BARD1: variants seen among roughly 807,000 people sequenced by gnomAD.
BARD1 encodes the protein BRCA1-associated RING domain protein 1.
Under a neutral mutation model 77.0 loss-of-function variants are expected in BARD1, and 73 were observed. The ratio of observed to expected loss-of-function variants is 0.95; its 90% CI spans 0.79 to 1.15. The LOEUF (loss-of-function observed/expected upper bound fraction) is 1.15, where lower values mean the gene tolerates loss of function less well. Ranked by LOEUF, BARD1 falls within the 50% of genes most tolerant of loss-of-function variation. The probability of loss-of-function intolerance (pLI) is 0.00; values close to 1 mark genes in which losing one functional copy is unlikely to be tolerated. For missense variants in BARD1, 993 were observed against 938.8 expected (o/e 1.06, Z -0.75); for synonymous variants, 384 against 338.0 (o/e 1.14, Z -1.49).
chr2:214,801,506 C>A (rs1387186269), intron 1 of BARD1, among the ~76,000 whole-genome samples: 1 of 152,158 alleles, frequency 6.6e-6, no homozygotes, highest in African/African-American at 2.4e-5. Context: ...TTAAAAAGTT[C>A]TTCACAATCT....
At chr2:214,797,159 T>C in intron 1 of BARD1, 42 bp from the exon 2 acceptor site, 4 of 1,459,968 alleles carry the variant, frequency 2.7e-6, no homozygotes, top group Non-Finnish European at 3.8e-6. Context: ...GAGTCATTGT[T>C]AGATAAACAT....
chr2:214,775,600 A>T (rs1433171205), intron 4 of BARD1, among the ~76,000 whole-genome samples: 1 of 152,202 alleles, frequency 6.6e-6, no homozygotes, highest in Non-Finnish European at 1.5e-5. Flanking sequence ...AGGCTGTTGG[A>T]AAAACAGCAC....
chr2:214,796,062 T>G (rs1165561681), intron 2 of BARD1, among the ~76,000 whole-genome samples: 1 of 152,192 alleles, frequency 6.6e-6, no homozygotes, highest in Non-Finnish European at 1.5e-5. Flanking sequence ...CGAATGTATT[T>G]GTTCATGTCA....
intron 1 of BARD1, among the ~76,000 whole-genome samples, chr2:214,803,064 C>CA (rs34071070): frequency 0.28 from 41,947 of 151,958 alleles, 6,379 homozygotes; most frequent in East Asian, 0.58. Context: ...GTGTCAAACT[C>CA]AGGGTTAAAT....
At chr2:214,739,174 A>G (rs1210303413) in intron 9 of BARD1, among the ~76,000 whole-genome samples, 1 of 152,098 alleles carries the variant, frequency 6.6e-6, no homozygotes, top group African/African-American at 2.4e-5. Context: ...TTCTGGAATT[A>G]ATGGCTATTT....
chr2:214,746,788 G>A (rs960661766), intron 7 of BARD1, among the ~76,000 whole-genome samples: 2 of 152,048 alleles, frequency 1.3e-5, no homozygotes, highest in African/African-American at 4.8e-5. Flanking sequence ...TCAGGACATA[G>A]GCATGGGCAA....
chr2:214,780,646 TAGAC>T lies in BARD1; in HGVS notation c.1224_1227del (p.Met408IlefsTer6), dbSNP rs1553622164. Reference sequence around the variant, plus strand: ...GGCAACAGCTTCATTGCTGAGGGACTAGACATCACTCGCCTGTAACTTGAACTAC... The same window carrying T: ...GGCAACAGCTTCATTGCTGAGGGACTATCACTCGCCTGTAACTTGAACTAC... On this transcript the variant is annotated frameshift_variant, in exon 4 of 11. Coordinates refer to ENST00000260947, the MANE Select transcript of BARD1 (RefSeq NM_000465.4). LOFTEE classifies it high-confidence loss of function. The T allele has an allele frequency of 6.2e-7, 1 of 1,614,124 alleles. No homozygotes were observed. The highest frequency in any genetic ancestry group is 8.5e-7 in the Non-Finnish European group (1 of 1,179,992).
At chr2:214,797,039 A>G (rs370591797) in intron 2 of BARD1, 22 bp downstream of exon 2, 2 of 1,571,802 alleles carry the variant, frequency 1.3e-6, no homozygotes, top group African/African-American at 1.4e-5. Flanking sequence ...TGTACTATAT[A>G]CATCAAACCG....
chr2:214,786,552 G>A (rs1317964087), intron 3 of BARD1, among the ~76,000 whole-genome samples: 1 of 151,856 alleles, frequency 6.6e-6, no homozygotes, highest in Non-Finnish European at 1.5e-5. Flanking sequence ...CCTTAAACAG[G>A]TAAGAAGAAA....
At chr2:214,792,237 T>C in intron 3 of BARD1, 60 bp downstream of exon 3, 1 of 1,489,576 alleles carries the variant, frequency 6.7e-7, no homozygotes, top group Non-Finnish European at 9.3e-7. Context: ...ACTTTATGAA[T>C]ATGAATTCAT....
chr2:214,751,339 A>G (rs571194920), intron 7 of BARD1, among the ~76,000 whole-genome samples: 44 of 149,536 alleles, frequency 2.9e-4, no homozygotes, highest in African/African-American at 1.0e-3. Context: ...TGTATTTTTC[A>G]TAGAGATGGG....
At chr2:214,784,556 T>G (rs1387819731) in intron 3 of BARD1, among the ~76,000 whole-genome samples, 1 of 152,186 alleles carries the variant, frequency 6.6e-6, no homozygotes, top group Non-Finnish European at 1.5e-5. Context: ...TAAATCATTC[T>G]ACTATAAAGA....
rs1227339453 is a variant in BARD1, at chr2:214,769,089, T to C, written c.1395+143A>G. The C allele has an allele frequency of 2.2e-5, 16 of 711,800 alleles. 1 individual carries two copies. In the South Asian group the frequency reaches 2.7e-4, roughly 12 times the overall value. The allele number at this position is 711,800 out of a possible 1,614,324, so 44.1% of individuals were successfully genotyped here. On this transcript the variant is annotated intron_variant, in intron 5 of 10. Transcript: ENST00000260947. ...TGAAAAGCTAGAAGGAAAGTAATCA[T>C]GTTCTCATACTTGATGAAAACATAA...
chr2:214,806,873 AGGG>A (rs1559451184), intron 1 of BARD1, among the ~76,000 whole-genome samples: 17 of 57,490 alleles, frequency 3.0e-4, no homozygotes, highest in African/African-American at 7.3e-4. Flanking sequence ...AACTTTGCCT[AGGG>A]AAAAAAAAAA....
At chr2:214,771,109 A>G (rs1378504873) in intron 4 of BARD1, among the ~76,000 whole-genome samples, 1 of 152,260 alleles carries the variant, frequency 6.6e-6, no homozygotes, top group African/African-American at 2.4e-5. Flanking sequence ...TCTTGAAATT[A>G]CATTATTATC....
Position 214,781,374 on chromosome 2 carries a change from G to A in BARD1, c.500C>T (p.Pro167Leu). The change falls in exon 4 of 11, where the codon CCT (proline) becomes CTT (leucine). Residue 167 changes from proline (P) to leucine (L), a missense_variant. By Grantham distance (98) the Pro-to-Leu change is moderately conservative. Transcript: ENST00000260947. Reference protein sequence around the residue: ...VVSKASVQTQPAIKKDASAQQ... With the variant: ...VVSKASVQTQLAIKKDASAQQ... The stretch of plus-strand genomic sequence containing the variant: ...AGCACTTGCATCTTTTTTTATTGCA[G>A]GCTGGGTTTGCACTGAAGCTTTACT... 2 of 1,613,584 alleles carry A rather than the reference G, an allele frequency of 1.2e-6. No homozygotes were observed. The highest frequency in any genetic ancestry group is 1.7e-6 in the Non-Finnish European group (2 of 1,179,900).
chr2:214,731,060 G>A (rs1692333229), intron 9 of BARD1: 1 of 308,256 alleles, frequency 3.2e-6, no homozygotes, highest in Non-Finnish European at 6.7e-6. Flanking sequence ...AACAAGCAGA[G>A]CTTGGGATAG....
intron 9 of BARD1, among the ~76,000 whole-genome samples, chr2:214,739,375 A>G (rs999906306): frequency 2.0e-5 from 3 of 152,322 alleles, no homozygotes; most frequent in Middle Eastern, 3.4e-3. Flanking sequence ...AGATAACAGT[A>G]TGTAAGTAAA....
At chr2:214,751,151 A>ATATATATTTTTTTTTTTTT (rs1693429141) in intron 7 of BARD1, among the ~76,000 whole-genome samples, 1 of 37,198 alleles carries the variant, frequency 2.7e-5, no homozygotes, top group Non-Finnish European at 4.6e-5. Context: ...ATATATATAT[A>ATATATATTTTTTTTTTTTT]TTTTTTTTTT....
Sources: allele counts gnomAD v4.1 joint callset (sites outside exome capture counted in the v4.1 genomes callset), GRCh38; gene constraint gnomAD v4.1.1; transcripts MANE v1.5; gene names NCBI Gene and HGNC (gene_info 2026-07-23, HGNC 2026-07-21).